The following SUPT3H variants were observed in gnomAD, a reference collection of about 807,000 sequenced individuals.
SUPT3H encodes the protein transcription initiation protein SPT3 homolog.
Under a neutral mutation model 44.3 loss-of-function variants are expected in SUPT3H, and 44 were observed. That is an observed-to-expected ratio of 0.99 (90% CI 0.78 to 1.28). The LOEUF is 1.28. SUPT3H is among the 50% of genes most tolerant of loss of function. The pLI, the probability that SUPT3H is intolerant of heterozygous loss-of-function variation, is 0.00. For missense variants in SUPT3H, 380 were observed against 387.1 expected (o/e 0.98, Z 0.15); for synonymous variants, 124 against 125.6 (o/e 0.99, Z 0.09).
chr6:45,124,863 T>C (rs1264381577), intron 2 of SUPT3H, among the ~76,000 whole-genome samples: 1 of 151,980 alleles, frequency 6.6e-6, no homozygotes, highest in Non-Finnish European at 1.5e-5. Flanking sequence ...ACAAGGTCAT[T>C]AGGGTAGGCT....
chr6:45,337,866 G>C lies in SUPT3H; in HGVS notation c.101+27335C>G, dbSNP rs147109393. On this transcript the variant is annotated intron_variant, in intron 2 of 10. Coordinates refer to ENST00000371459, the MANE Select transcript of SUPT3H (RefSeq NM_003599.4). ...TTGGTACTACTGTAAGTAGAAATAAGATTTTATTTTTTTAGAGAAAAAGTA... is the reference window on the plus strand; with the variant it reads ...TTGGTACTACTGTAAGTAGAAATAACATTTTATTTTTTTAGAGAAAAAGTA... Among the ~76,000 whole-genome samples, 802 of 151,908 alleles carry C rather than the reference G, an allele frequency of 5.3e-3. 5 individuals are homozygous for C. Among genetic ancestry groups the C allele is most frequent in the African/African-American group, 0.018 (746 of 41,480 alleles).
At chr6:44,833,393 C>G (rs1459384265) in intron 10 of SUPT3H, among the ~76,000 whole-genome samples, 3 of 152,138 alleles carry the variant, frequency 2.0e-5, no homozygotes, top group Non-Finnish European at 2.9e-5. Flanking sequence ...GATAAATAGA[C>G]AGTCCCTGGC....
At chr6:44,927,110 G>C (rs1004898923) in intron 10 of SUPT3H, among the ~76,000 whole-genome samples, 2 of 152,028 alleles carry the variant, frequency 1.3e-5, no homozygotes, top group African/African-American at 4.8e-5. Context: ...AAATGGAATG[G>C]TTAAGTGAAT....
rs371486496 is a variant in SUPT3H at position 44,927,991 on chromosome 6, AATTT to A, written c.912+4658_912+4661del. Among the ~76,000 whole-genome samples, 390 of 152,282 alleles carry A rather than the reference AATTT, an allele frequency of 2.6e-3. 3 individuals are homozygous for A. The highest frequency in any genetic ancestry group is 8.6e-3 in the African/African-American group (356 of 41,558). On this transcript the variant is annotated intron_variant, in intron 10 of 10. Coordinates refer to ENST00000371459, the MANE Select transcript of SUPT3H (RefSeq NM_003599.4). Reference sequence around the variant, plus strand: ...CTACTACTTCCACTATTACTAATATAATTTATTAAGAGCTTAGTTCTTACAGTAC... The same window carrying A: ...CTACTACTTCCACTATTACTAATATAATTAAGAGCTTAGTTCTTACAGTAC...
intron 2 of SUPT3H, among the ~76,000 whole-genome samples, chr6:45,263,826 C>T (rs1774805747): frequency 6.6e-6 from 1 of 152,118 alleles, no homozygotes; most frequent in Non-Finnish European, 1.5e-5. Flanking sequence ...TCGTAACCAT[C>T]ACACAAAGGC....
At chr6:45,226,549 AT>A (rs921111036) in intron 2 of SUPT3H, among the ~76,000 whole-genome samples, 2 of 151,710 alleles carry the variant, frequency 1.3e-5, no homozygotes, top group Non-Finnish European at 1.5e-5. Flanking sequence ...ACAAAAAAAA[AT>A]TTTTTCTTCT....
rs1482250403 is a variant in SUPT3H, at chr6:44,828,821, C to A, written c.*995G>T. 3 of 152,538 alleles carry A rather than the reference C, an allele frequency of 2.0e-5. No homozygotes were observed. The highest frequency in any genetic ancestry group is 7.2e-5 in the African/African-American group (3 of 41,416). The allele number at this position is 152,538 out of a possible 1,614,324, so 9.4% of individuals were successfully genotyped here. A position where few individuals can be genotyped will look rare whatever the true frequency, so the allele number is the denominator to read the frequency against. ...ACCATAAAAGTAAAATTATACAAAA[C>A]TCCCACAGAATTAAAGAAATAACTT... On this transcript the variant is annotated 3_prime_UTR_variant, in exon 11 of 11. Transcript: ENST00000371459.
intron 2 of SUPT3H, among the ~76,000 whole-genome samples, chr6:45,165,661 A>T (rs1398960924): frequency 6.6e-6 from 1 of 152,234 alleles, no homozygotes; most frequent in African/African-American, 2.4e-5. Flanking sequence ...CATACAAAAA[A>T]TATCAAATGA....
intron 2 of SUPT3H, among the ~76,000 whole-genome samples, chr6:45,255,864 T>C (rs1456939113): frequency 6.6e-6 from 1 of 152,194 alleles, no homozygotes; most frequent in African/African-American, 2.4e-5. Context: ...AGGACATTTT[T>C]ATCACACAGA....
rs1554339652 is a variant in SUPT3H at position 45,315,922 on chromosome 6, C to CAGACAGATAGATAGAT, written c.101+49278_101+49279insATCTATCTATCTGTCT. 1.2e-3 allele frequency among the ~76,000 whole-genome samples: 181 copies of CAGACAGATAGATAGAT among 145,586 alleles called. 1 individual carries two copies. The highest frequency in any genetic ancestry group is 4.4e-3 in the African/African-American group (171 of 38,824). ...GAGTGGATAAAGAAGCTCAGATAGACAGATAGATAGATAGATAGATAGATA... is the reference window on the plus strand; with the variant it reads ...GAGTGGATAAAGAAGCTCAGATAGACAGACAGATAGATAGATAGATAGATAGATAGATAGATAGATA... On this transcript the variant is annotated intron_variant, in intron 2 of 10. Coordinates refer to ENST00000371459, the MANE Select transcript of SUPT3H (RefSeq NM_003599.4).
chr6:45,000,557 C>T (rs1278145130), intron 6 of SUPT3H, among the ~76,000 whole-genome samples: 1 of 152,056 alleles, frequency 6.6e-6, no homozygotes. Context: ...TCTGATTTCT[C>T]TTATTATTCA....
chr6:45,079,723 T>A (rs1456757918), intron 3 of SUPT3H, among the ~76,000 whole-genome samples: 2 of 152,046 alleles, frequency 1.3e-5, no homozygotes, highest in African/African-American at 4.8e-5. Flanking sequence ...CAATAAACAG[T>A]TCTGGGAAAA....
intron 10 of SUPT3H, among the ~76,000 whole-genome samples, chr6:44,905,633 C>G (rs1765908162): frequency 6.6e-6 from 1 of 152,014 alleles, no homozygotes; most frequent in South Asian, 2.1e-4. Context: ...GGATCTTGAA[C>G]TAGAAATACC....
At chr6:45,062,818 G>A (rs1409314282) in intron 3 of SUPT3H, among the ~76,000 whole-genome samples, 2 of 152,018 alleles carry the variant, frequency 1.3e-5, no homozygotes, top group African/African-American at 2.4e-5. Flanking sequence ...CTACGCCCAC[G>A]GAGTCTCCCT....
chr6:45,017,565 G>C (rs1784484742), intron 4 of SUPT3H, among the ~76,000 whole-genome samples: 3 of 152,002 alleles, frequency 2.0e-5, no homozygotes, highest in Admixed American at 6.5e-5. Flanking sequence ...TCTACATGTG[G>C]CTAGCCAGTT....
intron 3 of SUPT3H, among the ~76,000 whole-genome samples, chr6:45,029,988 C>A (rs1786662009): frequency 6.6e-6 from 1 of 152,188 alleles, no homozygotes; most frequent in Admixed American, 6.6e-5. Context: ...TGTTTTCGAA[C>A]TCCTTGGCTC....
chr6:44,968,011 T>C (rs576298841), intron 6 of SUPT3H, among the ~76,000 whole-genome samples: 7 of 152,140 alleles, frequency 4.6e-5, no homozygotes, highest in Non-Finnish European at 8.8e-5. Flanking sequence ...CAGGCTGGTC[T>C]TGAATTCCTG....
intron 3 of SUPT3H, among the ~76,000 whole-genome samples, chr6:45,045,560 G>A (rs946299277): frequency 1.3e-4 from 20 of 152,104 alleles, no homozygotes. Context: ...AAGACACTGG[G>A]GTTTTCTAAA....
intron 2 of SUPT3H, among the ~76,000 whole-genome samples, chr6:45,347,307 CTGTT>C (rs1192112061): frequency 1.3e-5 from 2 of 152,058 alleles, no homozygotes; most frequent in African/African-American, 4.8e-5. Context: ...ATATATATGA[CTGTT>C]AGGGAACAGT....
Sources: allele counts gnomAD v4.1 joint callset (sites outside exome capture counted in the v4.1 genomes callset), GRCh38; gene constraint gnomAD v4.1.1; transcripts MANE v1.5; gene names NCBI Gene and HGNC (gene_info 2026-07-23, HGNC 2026-07-21).